Variants in KHDRBS3 observed in about 807,000 individuals in gnomAD.
KHDRBS3 encodes KH domain-containing, RNA-binding, signal transduction-associated protein 3.
Under a neutral mutation model 45.6 loss-of-function variants are expected in KHDRBS3, and 23 were observed. That is an observed-to-expected ratio of 0.50 (90% CI 0.36 to 0.72). The LOEUF (loss-of-function observed/expected upper bound fraction) is 0.72, where lower values mean the gene tolerates loss of function less well. Among genes scored for constraint, KHDRBS3 ranks in the 30% least tolerant of loss-of-function variants. The pLI is 0.00. For synonymous variants in KHDRBS3, 162 were observed against 156.5 expected, an observed-to-expected ratio of 1.04 and a Z score of -0.26; for missense variants, 352 against 424.8, an observed-to-expected ratio of 0.83 and a Z score of 1.51.
intron 8 of KHDRBS3, among the ~76,000 whole-genome samples, chr8:135,645,525 A>G (rs1209129551): frequency 2.0e-5 from 3 of 152,060 alleles, no homozygotes; most frequent in Non-Finnish European, 4.4e-5. Context: ...GTTTTAATTC[A>G]TTTCCAATCT....
intron 1 of KHDRBS3, among the ~76,000 whole-genome samples, chr8:135,494,296 T>G (rs1823312269): frequency 1.1e-5 from 1 of 90,590 alleles, no homozygotes; most frequent in Non-Finnish European, 2.3e-5. Flanking sequence ...TTTTTTTTTT[T>G]GAGACAGAGT....
intron 2 of KHDRBS3, chr8:135,538,642 G>C (rs1207949926): frequency 1.3e-5 from 2 of 152,148 alleles, no homozygotes; most frequent in Non-Finnish European, 2.9e-5. Context: ...AGCCACACCT[G>C]GTAAATGTGA....
intron 6 of KHDRBS3, 39 bp from the exon 7 acceptor site, chr8:135,606,915 CT>C: frequency 6.7e-7 from 1 of 1,496,266 alleles, no homozygotes; most frequent in Non-Finnish European, 9.2e-7. Context: ...TTTTTAGAAA[CT>C]TCTCTGAATG....
chr8:135,581,196 CTT>C (rs1828189567), intron 5 of KHDRBS3, among the ~76,000 whole-genome samples: 1 of 152,184 alleles, frequency 6.6e-6, no homozygotes, highest in Non-Finnish European at 1.5e-5. Context: ...GGTAGCCACA[CTT>C]TTCTGTCCTT....
chr8:135,469,506 G>GTTTTT lies in KHDRBS3; in HGVS notation c.88+11558_88+11562dup, dbSNP rs1356499436. Among the ~76,000 whole-genome samples the GTTTTT allele has an allele frequency of 6.7e-4, 74 of 111,240 alleles. 1 individual carries two copies. The highest frequency in any genetic ancestry group is 1.7e-3 in the African/African-American group (42 of 24,738). 73.0% of individuals were successfully genotyped at this position (111,240 alleles called of 152,430 possible). ...GTTTCACCATGTTAGCCAGGATGGT[G>GTTTTT]TTTTTTTTTTGTTTTGGTTTTTTTT... On this transcript the variant is annotated intron_variant, in intron 1 of 8. Coordinates refer to ENST00000355849, the MANE Select transcript of KHDRBS3 (RefSeq NM_006558.3).
chr8:135,516,570 T>TTGTGTGTGTGTGTGTG (rs56155377), intron 1 of KHDRBS3, among the ~76,000 whole-genome samples: 54 of 149,140 alleles, frequency 3.6e-4, no homozygotes, highest in East Asian at 1.2e-3. Context: ...GTTTCTTACA[T>TTGTGTGTGTGTGTGTG]TGTGTGTGTG....
At chr8:135,538,403 T>C (rs193115450) in intron 2 of KHDRBS3, 3 of 152,314 alleles carry the variant, frequency 2.0e-5, no homozygotes, top group Admixed American at 2.0e-4. Context: ...CTGTCCTTGC[T>C]GTAGGTAAAT....
chr8:135,613,089 G>A (rs1829772870), intron 7 of KHDRBS3, among the ~76,000 whole-genome samples: 1 of 151,762 alleles, frequency 6.6e-6, no homozygotes, highest in Non-Finnish European at 1.5e-5. Context: ...CGCAGAGAGA[G>A]AACTGGAAAG....
downstream of KHDRBS3, chr8:135,647,891 A>G (rs1831354168): frequency 6.6e-6 from 1 of 152,246 alleles, no homozygotes; most frequent in African/African-American, 2.4e-5. Flanking sequence ...TGGTTTTAAA[A>G]TAACTACTGG....
intron 4 of KHDRBS3, among the ~76,000 whole-genome samples, chr8:135,555,495 G>A (rs1310026334): frequency 6.6e-6 from 1 of 151,758 alleles, no homozygotes; most frequent in Non-Finnish European, 1.5e-5. Context: ...CCAGAACTAA[G>A]AGTTGTATAG....
intron 4 of KHDRBS3, chr8:135,549,335 T>G (rs1229113155): frequency 6.6e-6 from 1 of 152,640 alleles, no homozygotes; most frequent in Non-Finnish European, 1.5e-5. Context: ...AATACGTAAT[T>G]TAGAGGAAAA....
chr8:135,540,158 T>G (rs1825973927), intron 2 of KHDRBS3: 1 of 152,196 alleles, frequency 6.6e-6, no homozygotes, highest in Non-Finnish European at 1.5e-5. Flanking sequence ...AAGGCATAAA[T>G]TTATGAAGAT....
At chr8:135,642,595 T>C (rs1831107894) in intron 7 of KHDRBS3, among the ~76,000 whole-genome samples, 1 of 152,212 alleles carries the variant, frequency 6.6e-6, no homozygotes. Flanking sequence ...GTGACTATTC[T>C]GTAATGTGTT....
At chr8:135,595,360 A>G (rs1447168399) in intron 6 of KHDRBS3, among the ~76,000 whole-genome samples, 3 of 152,162 alleles carry the variant, frequency 2.0e-5, no homozygotes, top group Non-Finnish European at 2.9e-5. Flanking sequence ...GTACCTTTTT[A>G]TGACTTATTT....
intron 5 of KHDRBS3, among the ~76,000 whole-genome samples, chr8:135,561,449 G>T (rs567900538): frequency 1.3e-5 from 2 of 152,028 alleles, no homozygotes; most frequent in Admixed American, 6.6e-5. Context: ...TGGTAGAGCC[G>T]GGTGGAATCC....
At chr8:135,582,711 C>A (rs1042348741) in intron 6 of KHDRBS3, among the ~76,000 whole-genome samples, 2 of 152,182 alleles carry the variant, frequency 1.3e-5, no homozygotes, top group African/African-American at 4.8e-5. Flanking sequence ...ATAGGTGATT[C>A]ATATTAATAA....
At chr8:135,600,409 T>G (rs543802532) in intron 6 of KHDRBS3, among the ~76,000 whole-genome samples, 1 of 152,298 alleles carries the variant, frequency 6.6e-6, no homozygotes, top group African/African-American at 2.4e-5. Context: ...ACATTAGGAA[T>G]GTAGAGGAAG....
chr8:135,568,672 T>G (rs993761862), intron 5 of KHDRBS3, among the ~76,000 whole-genome samples: 1 of 152,146 alleles, frequency 6.6e-6, no homozygotes, highest in Non-Finnish European at 1.5e-5. Flanking sequence ...AGTCCAAATA[T>G]AAAGATTTGG....
At chr8:135,585,613 A>G (rs1758244675) in intron 6 of KHDRBS3, among the ~76,000 whole-genome samples, 1 of 152,218 alleles carries the variant, frequency 6.6e-6, no homozygotes, top group South Asian at 2.1e-4. Context: ...TGTCTCCTGC[A>G]GAGAACCCAC....
Sources: allele counts gnomAD v4.1 joint callset (sites outside exome capture counted in the v4.1 genomes callset), GRCh38; gene constraint gnomAD v4.1.1; transcripts MANE v1.5; gene names NCBI Gene and HGNC (gene_info 2026-07-23, HGNC 2026-07-21).